SPAG16: variants seen among roughly 807,000 people sequenced by gnomAD.
SPAG16 encodes the protein sperm associated antigen 16.
In SPAG16, 86 loss-of-function variants were observed where a neutral mutation model predicts 80.4. That is an observed-to-expected ratio of 1.07 (90% CI 0.90 to 1.28). SPAG16 has a LOEUF of 1.28. Among genes scored for constraint, SPAG16 ranks in the 50% most tolerant of loss-of-function variants. The pLI, the probability that SPAG16 is intolerant of heterozygous loss-of-function variation, is 0.00. For synonymous variants in SPAG16, 294 were observed against 265.9 expected (o/e 1.11, Z -1.03); for missense variants, 870 against 765.3 (o/e 1.14, Z -1.61).
intron 11 of SPAG16, among the ~76,000 whole-genome samples, chr2:213,911,292 A>G (rs2077654615): frequency 6.6e-6 from 1 of 152,078 alleles, no homozygotes; most frequent in East Asian, 1.9e-4. Context: ...CTACAGGCAC[A>G]CACCACTTCA....
rs193014593 is a variant in SPAG16 at position 214,280,861 on chromosome 2, T to C, written c.1721-129279T>C. 3.9e-5 allele frequency: 17 copies of C among 434,230 alleles called. No individual in the cohort carries two copies. The East Asian group carries it at 5.5e-4, about 14-fold the overall frequency. 26.9% of individuals were successfully genotyped at this position (434,230 alleles called of 1,614,324 possible). A position where few individuals can be genotyped will look rare whatever the true frequency, so the allele number is the denominator to read the frequency against. On this transcript the variant is annotated intron_variant, in intron 15 of 15. Transcript: ENST00000331683. The stretch of plus-strand genomic sequence containing the variant: ...TTCTTTATATATTGAGAGGATTGTT[T>C]CTTGTAAGCATCTTCATCTTCCTCT...
chr2:213,663,578 C>G (rs775705173), intron 10 of SPAG16, among the ~76,000 whole-genome samples: 1 of 151,952 alleles, frequency 6.6e-6, no homozygotes, highest in Non-Finnish European at 1.5e-5. Flanking sequence ...AATTTGATAA[C>G]GTATACATAA....
intron 10 of SPAG16, among the ~76,000 whole-genome samples, chr2:213,835,537 G>T (rs771608922): frequency 6.6e-6 from 1 of 151,966 alleles, no homozygotes; most frequent in African/African-American, 2.4e-5. Flanking sequence ...AACACATTAT[G>T]GTCTCCCTGG....
intron 10 of SPAG16, among the ~76,000 whole-genome samples, chr2:213,697,562 T>C (rs1246103121): frequency 6.6e-6 from 1 of 152,222 alleles, no homozygotes; most frequent in Admixed American, 6.5e-5. Flanking sequence ...AGATCTGTTC[T>C]AAATGTAGTC....
At chr2:213,678,718 C>T (rs1465820847) in intron 10 of SPAG16, among the ~76,000 whole-genome samples, 1 of 152,142 alleles carries the variant, frequency 6.6e-6, no homozygotes, top group Non-Finnish European at 1.5e-5. Flanking sequence ...AGTCACTGTT[C>T]CTAGAGCAGC....
At chr2:213,945,557 A>G (rs1019356644) in intron 12 of SPAG16, among the ~76,000 whole-genome samples, 9 of 152,014 alleles carry the variant, frequency 5.9e-5, no homozygotes, top group African/African-American at 1.9e-4. Context: ...TGCCTGCTTT[A>G]TATTTGCTGG....
At chr2:213,378,298 C>T (rs2066996787) in intron 9 of SPAG16, among the ~76,000 whole-genome samples, 1 of 152,180 alleles carries the variant, frequency 6.6e-6, no homozygotes, top group Admixed American at 6.5e-5. Context: ...ACTTTGCATC[C>T]TTCAATTCAG....
chr2:214,097,919 C>T (rs1265756890), intron 13 of SPAG16, among the ~76,000 whole-genome samples: 1 of 151,968 alleles, frequency 6.6e-6, no homozygotes, highest in African/African-American at 2.4e-5. Context: ...ATGGCACTAT[C>T]ATGTAGATAC....
chr2:214,146,799 G>C (rs1387505855), intron 14 of SPAG16, among the ~76,000 whole-genome samples: 2 of 152,068 alleles, frequency 1.3e-5, no homozygotes, highest in African/African-American at 4.8e-5. Context: ...AGGAGATCAA[G>C]ACCATCCTGG....
At chr2:213,649,269 G>A (rs1233663228) in intron 10 of SPAG16, among the ~76,000 whole-genome samples, 1 of 152,218 alleles carries the variant, frequency 6.6e-6, no homozygotes, top group Non-Finnish European at 1.5e-5. Flanking sequence ...GGAAAAAATA[G>A]TAGACTTTTA....
chr2:214,258,772 G>A (rs568995527), intron 15 of SPAG16, among the ~76,000 whole-genome samples: 7 of 151,680 alleles, frequency 4.6e-5, no homozygotes, highest in South Asian at 2.1e-4. Flanking sequence ...ATCTTCAGCC[G>A]CCTTCCTTTC....
At chr2:213,704,680 C>T (rs1161324196) in intron 10 of SPAG16, among the ~76,000 whole-genome samples, 1 of 152,124 alleles carries the variant, frequency 6.6e-6, no homozygotes, top group Non-Finnish European at 1.5e-5. Flanking sequence ...ACCTGTTCTC[C>T]AGCGTTGTCC....
chr2:213,876,736 G>T (rs1350280293), intron 11 of SPAG16, among the ~76,000 whole-genome samples: 1 of 151,948 alleles, frequency 6.6e-6, no homozygotes, highest in Non-Finnish European at 1.5e-5. Context: ...TATGGTTATT[G>T]GCTGGCCTTG....
intron 14 of SPAG16, among the ~76,000 whole-genome samples, chr2:214,126,580 A>G (rs2054508268): frequency 6.6e-6 from 1 of 151,924 alleles, no homozygotes; most frequent in South Asian, 2.1e-4. Context: ...GTACTTATGC[A>G]CATATTAAGA....
At chr2:214,077,998 C>T (rs554706412) in intron 13 of SPAG16, among the ~76,000 whole-genome samples, 49 of 152,298 alleles carry the variant, frequency 3.2e-4, no homozygotes, top group Non-Finnish European at 5.6e-4. Flanking sequence ...AAAGCGTTTG[C>T]ACATTAATCC....
At chr2:213,682,678 T>A (rs2064456959) in intron 10 of SPAG16, among the ~76,000 whole-genome samples, 1 of 152,064 alleles carries the variant, frequency 6.6e-6, no homozygotes, top group African/African-American at 2.4e-5. Flanking sequence ...GGCTGGCATG[T>A]TTCTGGTTGG....
intron 7 of SPAG16, among the ~76,000 whole-genome samples, chr2:213,351,685 T>A (rs540090821): frequency 6.6e-6 from 1 of 152,220 alleles, no homozygotes; most frequent in Admixed American, 6.5e-5. Context: ...GCTTACATGA[T>A]GATAATACTC....
intron 14 of SPAG16, among the ~76,000 whole-genome samples, chr2:214,126,045 TC>T (rs2054475050): frequency 9.6e-5 from 3 of 31,236 alleles, no homozygotes; most frequent in Admixed American, 3.3e-4. Context: ...CTTCCTTCCT[TC>T]CTTCCTTCCT....
chr2:214,320,926 A>G (rs1421419409), intron 15 of SPAG16, among the ~76,000 whole-genome samples: 1 of 152,244 alleles, frequency 6.6e-6, no homozygotes, highest in African/African-American at 2.4e-5. Flanking sequence ...ATTAATGAAG[A>G]AAATAAATGT....
Sources: gnomAD v4.1 joint callset for allele counts (sites outside exome capture counted in the v4.1 genomes callset) on GRCh38, gnomAD v4.1.1 for gene constraint, MANE v1.5 for transcripts, NCBI Gene and HGNC (gene_info 2026-07-23, HGNC 2026-07-21) for gene names.